KIAA1328: variants seen among roughly 807,000 people sequenced by gnomAD.
KIAA1328 encodes protein hinderin.
KIAA1328 carries 52 observed loss-of-function variants against 68.1 expected under a neutral mutation model. That is an observed-to-expected ratio of 0.76 (90% confidence interval 0.61 to 0.96). The LOEUF (loss-of-function observed/expected upper bound fraction) is 0.96. KIAA1328 is among the 40% of genes least tolerant of loss of function. The probability of loss-of-function intolerance (pLI) is 0.00; values close to 1 mark genes in which losing one functional copy is unlikely to be tolerated. For missense variants in KIAA1328, 641 were observed against 677.6 expected, an observed-to-expected ratio of 0.95 and a Z score of 0.60; for synonymous variants, 232 against 239.4, an observed-to-expected ratio of 0.97 and a Z score of 0.28.
rs181255376 is a variant in KIAA1328 at position 37,207,912 on chromosome 18, C to T, written c.1524-14105C>T. 3.3e-5 allele frequency among the ~76,000 whole-genome samples: 5 copies of T among 152,286 alleles called. No homozygotes were observed. In the East Asian group the frequency reaches 5.8e-4, roughly 18 times the overall value. On this transcript the variant is annotated intron_variant, in intron 9 of 9. Transcript: ENST00000280020. ...ACAACCTCCGCCTCCTGGGTTCAAGCGATTCTCCTGCCTCAGTCTCCCGAG... is the reference window on the plus strand; with the variant it reads ...ACAACCTCCGCCTCCTGGGTTCAAGTGATTCTCCTGCCTCAGTCTCCCGAG...
intron 6 of KIAA1328, among the ~76,000 whole-genome samples, chr18:37,031,488 T>C (rs958269802): frequency 6.6e-6 from 1 of 152,218 alleles, no homozygotes; most frequent in Admixed American, 6.5e-5. Context: ...CCACTTCAGC[T>C]TTTTTATAAT....
intron 9 of KIAA1328, among the ~76,000 whole-genome samples, chr18:37,186,276 T>G (rs74490135): frequency 0.021 from 3,180 of 151,826 alleles, 65 homozygotes; most frequent in East Asian, 0.1. Context: ...TTTGTCTTTG[T>G]AAGCATAAAA....
intron 5 of KIAA1328, among the ~76,000 whole-genome samples, chr18:36,955,034 G>T (rs1334526800): frequency 2.0e-5 from 3 of 151,848 alleles, no homozygotes; most frequent in Non-Finnish European, 2.9e-5. Context: ...CCATGAAGTT[G>T]TGGATTTTTA....
rs1175184802 is a variant in KIAA1328, at chr18:37,005,669, C to G, written c.576+46234C>G. Among the ~76,000 whole-genome samples the G allele has an allele frequency of 2.6e-5, 4 of 152,084 alleles. No individual in the cohort carries two copies. The East Asian group carries it at 7.7e-4, about 29-fold the overall frequency. ...ATGTGTTCCCATGTTAATTATATCACTGTTCACAAAAGCAAAGATATTCGA... is the reference window on the plus strand; with the variant it reads ...ATGTGTTCCCATGTTAATTATATCAGTGTTCACAAAAGCAAAGATATTCGA... On this transcript the variant is annotated intron_variant, in intron 6 of 9. Transcript: ENST00000280020.
At chr18:37,216,065 G>A (rs2154221372) in intron 9 of KIAA1328, among the ~76,000 whole-genome samples, 1 of 151,964 alleles carries the variant, frequency 6.6e-6, no homozygotes, top group Non-Finnish European at 1.5e-5. Flanking sequence ...CTTGCTATTG[G>A]TCTATCAATT....
At chr18:36,853,335 A>G (rs922390487) in intron 4 of KIAA1328, among the ~76,000 whole-genome samples, 1 of 152,196 alleles carries the variant, frequency 6.6e-6, no homozygotes, top group African/African-American at 2.4e-5. Flanking sequence ...AGAAATGACT[A>G]TTTTGCATAT....
intron 4 of KIAA1328, among the ~76,000 whole-genome samples, chr18:36,848,710 C>G (rs2150830430): frequency 6.6e-6 from 1 of 151,208 alleles, no homozygotes; most frequent in Admixed American, 6.6e-5. Context: ...TGTTCTTTAT[C>G]AAATTGAGAA....
At chr18:37,047,776 T>G (rs1189265910) in intron 6 of KIAA1328, among the ~76,000 whole-genome samples, 1 of 152,180 alleles carries the variant, frequency 6.6e-6, no homozygotes, top group Non-Finnish European at 1.5e-5. Context: ...GGTTTTCCCC[T>G]TTTGCCAAAA....
At chr18:36,989,002 C>A (rs2053060138) in intron 6 of KIAA1328, among the ~76,000 whole-genome samples, 2 of 152,102 alleles carry the variant, frequency 1.3e-5, no homozygotes, top group African/African-American at 4.8e-5. Flanking sequence ...CAGTTCACTT[C>A]CCTGTTATTA....
chr18:37,202,722 C>G (rs191586396), intron 9 of KIAA1328, among the ~76,000 whole-genome samples: 1 of 152,118 alleles, frequency 6.6e-6, no homozygotes, highest in East Asian at 1.9e-4. Context: ...GAATATCATA[C>G]AATTTTGGAA....
At chr18:36,844,390 T>A in intron 4 of KIAA1328, 88 bp downstream of exon 4, 1 of 777,474 alleles carries the variant, frequency 1.3e-6, no homozygotes, top group Non-Finnish European at 1.9e-6. Context: ...TTTGATGACT[T>A]AATATCTTTG....
Position 37,093,959 on chromosome 18 carries a change from G to A in KIAA1328, c.1232+26414G>A, listed in dbSNP as rs559895253. 2.6e-4 allele frequency among the ~76,000 whole-genome samples: 39 copies of A among 152,364 alleles called. 1 individual carries two copies. The highest frequency in any genetic ancestry group is 8.9e-4 in the African/African-American group (37 of 41,586). On this transcript the variant is annotated intron_variant, in intron 7 of 9. Coordinates refer to ENST00000280020, the MANE Select transcript of KIAA1328 (RefSeq NM_020776.3). ...CAGTGAATTTGTCAAGGGAAACAGAGCAGCGGTCTCATGAGGAAATGAGGA... is the reference window on the plus strand; with the variant it reads ...CAGTGAATTTGTCAAGGGAAACAGAACAGCGGTCTCATGAGGAAATGAGGA...
chr18:36,949,956 T>C (rs939506577), intron 5 of KIAA1328, among the ~76,000 whole-genome samples: 4 of 152,260 alleles, frequency 2.6e-5, no homozygotes, highest in African/African-American at 9.6e-5. Context: ...ATCAGTGGCT[T>C]GTGCTCTTGC....
At chr18:37,152,869 G>A (rs916582616) in intron 7 of KIAA1328, among the ~76,000 whole-genome samples, 3 of 152,110 alleles carry the variant, frequency 2.0e-5, no homozygotes, top group Non-Finnish European at 2.9e-5. Context: ...CTGAAAAATC[G>A]AGTTGCAGAC....
intron 5 of KIAA1328, 148 bp from the exon 6 acceptor site, chr18:36,959,159 AC>A (rs2051547771): frequency 4.9e-6 from 3 of 606,776 alleles, no homozygotes; most frequent in Non-Finnish European, 5.3e-6. Context: ...AATACATGTA[AC>A]TTTTATCTGA....
intron 7 of KIAA1328, among the ~76,000 whole-genome samples, chr18:37,155,511 T>G (rs567527177): frequency 3.3e-5 from 5 of 152,226 alleles, no homozygotes; most frequent in Non-Finnish European, 7.3e-5. Flanking sequence ...TTTCTTAAAC[T>G]ATGTCTTTCC....
chr18:36,878,686 A>G (rs1293531967), intron 4 of KIAA1328, among the ~76,000 whole-genome samples: 1 of 152,064 alleles, frequency 6.6e-6, no homozygotes, highest in Non-Finnish European at 1.5e-5. Context: ...ACATAGTCCC[A>G]TATTTCTTGG....
intron 6 of KIAA1328, among the ~76,000 whole-genome samples, chr18:36,981,288 T>G (rs541807365): frequency 7.2e-5 from 11 of 152,056 alleles, no homozygotes; most frequent in African/African-American, 2.7e-4. Context: ...TCAAGCTGTT[T>G]CCAAGTAACT....
chr18:37,066,493 G>A (rs2056342232), intron 6 of KIAA1328, among the ~76,000 whole-genome samples: 1 of 147,318 alleles, frequency 6.8e-6, no homozygotes, highest in African/African-American at 2.7e-5. Flanking sequence ...TGGCCAAAGA[G>A]TATTTAAAGT....
Sources: allele counts gnomAD v4.1 joint callset (sites outside exome capture counted in the v4.1 genomes callset), GRCh38; gene constraint gnomAD v4.1.1; transcripts MANE v1.5; gene names NCBI Gene and HGNC (gene_info 2026-07-23, HGNC 2026-07-21).